The following MGAT4C variants were observed in gnomAD, a reference collection of about 807,000 sequenced individuals.
The protein encoded by MGAT4C is MGAT4 family member C.
MGAT4C carries 19 observed loss-of-function variants against 40.1 expected under a neutral mutation model. The observed-to-expected ratio is 0.47, with a 90% CI of 0.33 to 0.70. The LOEUF is 0.70. MGAT4C is among the 30% of genes least tolerant of loss of function. MGAT4C has a pLI of 0.02. For missense variants in MGAT4C, 491 were observed against 563.2 expected, an observed-to-expected ratio of 0.87 and a Z score of 1.30; for synonymous variants, 181 against 187.1, an observed-to-expected ratio of 0.97 and a Z score of 0.27.
intron 1 of MGAT4C, among the ~76,000 whole-genome samples, chr12:86,221,766 A>C (rs149460929): frequency 1.4e-4 from 22 of 152,242 alleles, no homozygotes; most frequent in African/African-American, 5.1e-4. Flanking sequence ...TCCTTTTTCT[A>C]TCTACAAATA....
intron 1 of MGAT4C, among the ~76,000 whole-genome samples, chr12:86,794,148 A>T (rs1952072431): frequency 6.6e-6 from 1 of 151,826 alleles, no homozygotes; most frequent in African/African-American, 2.4e-5. Flanking sequence ...GATTTATTTA[A>T]TATTTAGAGT....
At chr12:86,593,129 G>A (rs1056458198) in intron 2 of MGAT4C, among the ~76,000 whole-genome samples, 10 of 151,400 alleles carry the variant, frequency 6.6e-5, no homozygotes, top group African/African-American at 2.4e-4. Flanking sequence ...TTTATAGGAA[G>A]TTGTCCATTT....
At chr12:86,210,764 G>T in intron 1 of MGAT4C, among the ~76,000 whole-genome samples, 1 of 152,130 alleles carries the variant, frequency 6.6e-6, no homozygotes, top group East Asian at 1.9e-4. Flanking sequence ...TTTTACTCAA[G>T]AGTGACACAT....
At chr12:86,370,336 G>C (rs1442992651) in intron 3 of MGAT4C, among the ~76,000 whole-genome samples, 1 of 152,024 alleles carries the variant, frequency 6.6e-6, no homozygotes. Context: ...AAACTGGAAA[G>C]ATAAATAGAT....
At chr12:86,717,629 A>T (rs1950666695) in intron 2 of MGAT4C, among the ~76,000 whole-genome samples, 1 of 152,122 alleles carries the variant, frequency 6.6e-6, no homozygotes, top group African/African-American at 2.4e-5. Context: ...TTGGAAAGTC[A>T]TTACTTTATA....
At chr12:86,114,867 T>G (rs953558025) in intron 1 of MGAT4C, among the ~76,000 whole-genome samples, 3 of 152,008 alleles carry the variant, frequency 2.0e-5, no homozygotes, top group Non-Finnish European at 4.4e-5. Context: ...AAGGAAATAA[T>G]GTGACGTTTG....
intron 2 of MGAT4C, among the ~76,000 whole-genome samples, chr12:86,488,216 A>G (rs1958059515): frequency 6.6e-6 from 1 of 151,372 alleles, no homozygotes; most frequent in Non-Finnish European, 1.5e-5. Flanking sequence ...GGAGTTTGAG[A>G]TCAGCCTGGG....
chr12:86,288,974 G>A (rs759712823), intron 4 of MGAT4C, among the ~76,000 whole-genome samples: 2 of 152,114 alleles, frequency 1.3e-5, no homozygotes, highest in Non-Finnish European at 2.9e-5. Context: ...TCTTTGTCAT[G>A]AAATCTTTGT....
intron 3 of MGAT4C, among the ~76,000 whole-genome samples, chr12:86,409,355 A>G (rs911383758): frequency 4.6e-5 from 7 of 152,196 alleles, no homozygotes; most frequent in Non-Finnish European, 8.8e-5. Flanking sequence ...ATGCATTGGC[A>G]TTTATAGAAG....
rs1884243432 is a variant in MGAT4C at position 85,979,194 on chromosome 12, A to G, written c.*95T>C. Reference sequence around the variant, plus strand: ...CAATGTAATTAATGTTTCTTTTAACATATCCCATCCATTGCTTTCCCTCCA... The same window carrying G: ...CAATGTAATTAATGTTTCTTTTAACGTATCCCATCCATTGCTTTCCCTCCA... On this transcript the variant is annotated 3_prime_UTR_variant, in exon 5 of 5. Coordinates refer to ENST00000611864, the MANE Select transcript of MGAT4C (RefSeq NM_001351288.2). 1.1e-6 allele frequency: 1 copy of G among 945,846 alleles called. No homozygotes were observed. The highest frequency in any genetic ancestry group is 1.6e-6 in the Non-Finnish European group (1 of 634,706). The allele number at this position is 945,846 out of a possible 1,614,324, so 58.6% of individuals were successfully genotyped here.
chr12:86,297,584 T>C (rs930858357), intron 4 of MGAT4C, among the ~76,000 whole-genome samples: 1 of 152,178 alleles, frequency 6.6e-6, no homozygotes, highest in African/African-American at 2.4e-5. Context: ...TTGATAATGC[T>C]ATGAATGTGT....
intron 4 of MGAT4C, among the ~76,000 whole-genome samples, chr12:86,309,672 T>C (rs759466022): frequency 1.3e-5 from 2 of 152,236 alleles, no homozygotes; most frequent in Non-Finnish European, 2.9e-5. Flanking sequence ...ATGCAAACCA[T>C]TGCAACAGGT....
chr12:86,185,942 A>G (rs970470556), intron 1 of MGAT4C, among the ~76,000 whole-genome samples: 5 of 152,104 alleles, frequency 3.3e-5, no homozygotes, highest in Non-Finnish European at 5.9e-5. Flanking sequence ...AAAAAATGGC[A>G]TTAAGGAGAC....
At chr12:86,034,266 T>C (rs1203246108) in intron 2 of MGAT4C, among the ~76,000 whole-genome samples, 1 of 149,770 alleles carries the variant, frequency 6.7e-6, no homozygotes, top group Non-Finnish European at 1.5e-5. Context: ...GCTAGCCTCC[T>C]AGAATGAGTT....
At chr12:86,721,356 GA>G (rs1321629268) in intron 2 of MGAT4C, among the ~76,000 whole-genome samples, 4 of 151,906 alleles carry the variant, frequency 2.6e-5, no homozygotes, top group Non-Finnish European at 5.9e-5. Flanking sequence ...ACATAATTAA[GA>G]GAGGCCCTGC....
chr12:86,158,666 T>A (rs1316698155), intron 1 of MGAT4C, among the ~76,000 whole-genome samples: 1 of 152,136 alleles, frequency 6.6e-6, no homozygotes. Flanking sequence ...ATAAAAACAA[T>A]GAAGGTCATA....
intron 2 of MGAT4C, among the ~76,000 whole-genome samples, chr12:86,637,695 C>T (rs115350611): frequency 1.0e-3 from 154 of 151,914 alleles, no homozygotes; most frequent in African/African-American, 3.4e-3. Flanking sequence ...CTATGATTAT[C>T]GAGTCAATGC....
chr12:86,739,531 GA>G (rs200843385), intron 1 of MGAT4C, among the ~76,000 whole-genome samples: 1,981 of 148,542 alleles, frequency 0.013, 97 homozygotes, highest in Admixed American at 0.022. Flanking sequence ...ATATTTGGGG[GA>G]AAAAAAAAGG....
At chr12:86,250,320 A>G (rs1206518547) in intron 1 of MGAT4C, among the ~76,000 whole-genome samples, 1 of 128,882 alleles carries the variant, frequency 7.8e-6, no homozygotes, top group Non-Finnish European at 1.6e-5. Context: ...CAACCTACAC[A>G]CACACACACT....
Sources: gnomAD v4.1 joint callset for allele counts (sites outside exome capture counted in the v4.1 genomes callset) on GRCh38, gnomAD v4.1.1 for gene constraint, MANE v1.5 for transcripts, NCBI Gene and HGNC (gene_info 2026-07-23, HGNC 2026-07-21) for gene names.